The following MORC1 variants were observed in gnomAD, a reference collection of about 807,000 sequenced individuals.
MORC1 encodes MORC family CW-type zinc finger 1.
Under a neutral mutation model 134.9 loss-of-function variants are expected in MORC1, and 59 were observed. That is an observed-to-expected ratio of 0.44 (90% CI 0.35 to 0.54). The LOEUF (loss-of-function observed/expected upper bound fraction) is 0.54. Ranked by LOEUF, MORC1 falls within the 20% of genes least tolerant of loss-of-function variation. The pLI is 0.00. For missense variants in MORC1, 947 were observed against 1,134.5 expected (o/e 0.83, Z 2.37); for synonymous variants, 395 against 391.7 (o/e 1.01, Z -0.10).
At chr3:109,076,974 T>TTA (rs34193293) in intron 8 of MORC1, among the ~76,000 whole-genome samples, 1 of 142,466 alleles carries the variant, frequency 7.0e-6, no homozygotes, top group Non-Finnish European at 1.5e-5. Flanking sequence ...CTTAAAGTAT[T>TTA]AAAAAAAAAA....
intron 14 of MORC1, among the ~76,000 whole-genome samples, chr3:109,053,563 G>A (rs1320425561): frequency 2.0e-5 from 3 of 152,036 alleles, no homozygotes; most frequent in Non-Finnish European, 4.4e-5. Context: ...TTATAAGTGG[G>A]AGCTAAACAC....
At chr3:109,051,405 T>C (rs959519778) in intron 14 of MORC1, among the ~76,000 whole-genome samples, 1 of 152,238 alleles carries the variant, frequency 6.6e-6, no homozygotes, top group African/African-American at 2.4e-5. Flanking sequence ...AAATATTATA[T>C]AACTTTGGTT....
intron 8 of MORC1, among the ~76,000 whole-genome samples, chr3:109,078,604 G>T (rs1018427344): frequency 1.3e-5 from 2 of 150,798 alleles, no homozygotes; most frequent in African/African-American, 4.9e-5. Flanking sequence ...GAAATTTAAA[G>T]TCAATGAATA....
At chr3:109,091,358 C>T (rs572834342) in intron 8 of MORC1, among the ~76,000 whole-genome samples, 10 of 151,844 alleles carry the variant, frequency 6.6e-5, no homozygotes, top group African/African-American at 2.4e-4. Context: ...GGATGAGAAT[C>T]GCTTGAACCC....
At chr3:109,110,485 C>T in intron 3 of MORC1, 1 of 386,642 alleles carries the variant, frequency 2.6e-6, no homozygotes, top group Middle Eastern at 6.7e-4. Context: ...TCATGGCAGG[C>T]AAATTGAGTG....
intron 17 of MORC1, among the ~76,000 whole-genome samples, chr3:109,009,204 G>GTTTTT (rs1207320361): frequency 4.1e-5 from 4 of 96,782 alleles, no homozygotes; most frequent in Non-Finnish European, 4.7e-5. Context: ...TACGTTTTTT[G>GTTTTT]TTGTTTTTTT....
At chr3:109,076,581 T>C (rs1366611146) in intron 8 of MORC1, among the ~76,000 whole-genome samples, 4 of 152,168 alleles carry the variant, frequency 2.6e-5, no homozygotes, top group African/African-American at 9.7e-5. Flanking sequence ...CAAACCCAGA[T>C]GCTTATCAAT....
intron 8 of MORC1, among the ~76,000 whole-genome samples, chr3:109,090,478 G>T (rs1482512821): frequency 6.6e-6 from 1 of 151,824 alleles, no homozygotes; most frequent in African/African-American, 2.4e-5. Flanking sequence ...CAATTAGCCT[G>T]GAGTAGTGGC....
intron 1 of MORC1, 76 bp from the exon 2 acceptor site, chr3:109,114,513 G>T: frequency 7.8e-7 from 1 of 1,288,762 alleles, no homozygotes; most frequent in Non-Finnish European, 1.1e-6. Flanking sequence ...GATTCTTGCA[G>T]ACAAACGTTC....
At chr3:109,115,328 AACACAC>A (rs58831825) in intron 1 of MORC1, among the ~76,000 whole-genome samples, 114,415 of 148,636 alleles carry the variant, frequency 0.77, 44,492 homozygotes, top group East Asian at 0.88. Flanking sequence ...GTATTTTTAA[AACACAC>A]ACACACACAC....
intron 20 of MORC1, among the ~76,000 whole-genome samples, chr3:109,003,371 T>C (rs969483365): frequency 1.0e-4 from 15 of 145,180 alleles, no homozygotes; most frequent in Non-Finnish European, 2.2e-4. Flanking sequence ...TTCACATAGC[T>C]TTACATATTA....
At chr3:109,020,884 G>A (rs1028374509) in intron 17 of MORC1, among the ~76,000 whole-genome samples, 1 of 152,154 alleles carries the variant, frequency 6.6e-6, no homozygotes, top group African/African-American at 2.4e-5. Flanking sequence ...GGTTGAATCA[G>A]GGGTACAAGA....
At chr3:108,984,562 C>A (rs893947988) in intron 23 of MORC1, among the ~76,000 whole-genome samples, 154 bp downstream of exon 23, 1 of 152,080 alleles carries the variant, frequency 6.6e-6, no homozygotes, top group African/African-American at 2.4e-5. Flanking sequence ...AGGTGTATTG[C>A]TAATTCTTTC....
At chr3:109,069,857 C>A in intron 8 of MORC1, 100 bp from the exon 9 acceptor site, 1 of 1,202,390 alleles carries the variant, frequency 8.3e-7, no homozygotes, top group Non-Finnish European at 1.1e-6. Context: ...ATTGTTACTA[C>A]AAGAAGCTTC....
At chr3:109,003,501 T>G (rs1948460827) in intron 20 of MORC1, among the ~76,000 whole-genome samples, 1 of 151,726 alleles carries the variant, frequency 6.6e-6, no homozygotes. Context: ...ACTCCCAACT[T>G]CTCAATGGAC....
intron 2 of MORC1, 84 bp downstream of exon 2, chr3:109,114,300 T>C (rs1951227092): frequency 1.6e-6 from 2 of 1,213,448 alleles, no homozygotes; most frequent in Non-Finnish European, 2.3e-6. Flanking sequence ...AAATATGACA[T>C]GATCTTTTTA....
intron 1 of MORC1, among the ~76,000 whole-genome samples, chr3:109,117,478 T>C (rs765620657): frequency 1.4e-4 from 21 of 152,100 alleles, no homozygotes; most frequent in Non-Finnish European, 2.1e-4. Flanking sequence ...AATCTGACTA[T>C]CTGAAATGAC....
At chr3:109,059,925 C>A in intron 11 of MORC1, 55 bp from the exon 12 acceptor site, 1 of 1,457,550 alleles carries the variant, frequency 6.9e-7, no homozygotes, top group Non-Finnish European at 9.5e-7. Context: ...TAACAAAAAG[C>A]AAGTTGATAT....
At chr3:109,083,066 C>T (rs957791878) in intron 8 of MORC1, among the ~76,000 whole-genome samples, 1 of 151,936 alleles carries the variant, frequency 6.6e-6, no homozygotes, top group African/African-American at 2.4e-5. Flanking sequence ...AAAGGAGCTC[C>T]AATTCGTCTA....
Sources: allele counts gnomAD v4.1 joint callset (sites outside exome capture counted in the v4.1 genomes callset), GRCh38; gene constraint gnomAD v4.1.1; transcripts MANE v1.5; gene names NCBI Gene and HGNC (gene_info 2026-07-23, HGNC 2026-07-21).